Variants in MEI1 observed in about 807,000 individuals in gnomAD.
MEI1 encodes meiosis inhibitor protein 1.
A neutral mutation model predicts 146.2 loss-of-function variants in MEI1; 103 were observed. The ratio of observed to expected loss-of-function variants is 0.70; its 90% confidence interval spans 0.60 to 0.83. The LOEUF is 0.83. MEI1 is among the 40% of genes least tolerant of loss of function. The probability of loss-of-function intolerance (pLI) is 0.00; values close to 1 mark genes in which losing one functional copy is unlikely to be tolerated. For missense variants in MEI1, 1,529 were observed against 1,533.0 expected (o/e 1.00, Z 0.04); for synonymous variants, 652 against 628.2 (o/e 1.04, Z -0.57).
In MEI1 at chr22:41,729,777, C is replaced by CA. The variant is rs752778880; in HGVS notation, c.978dup (p.Glu327ArgfsTer5). 5 of 1,598,626 alleles carry CA rather than the reference C, an allele frequency of 3.1e-6. No homozygotes were observed. The South Asian group carries it at 5.7e-5, about 18-fold the overall frequency. ...TCAGCCTTCATCCACGCTGACATCC[C>CA]AGGTAGGGGAACACTTCTAACCTTC... On this transcript the variant is annotated frameshift_variant and splice_region_variant, in exon 8 of 31. Coordinates refer to ENST00000401548, the MANE Select transcript of MEI1 (RefSeq NM_152513.4). LOFTEE classifies it high-confidence loss of function.
At chr22:41,736,191 ATG>A (rs1009761908) in intron 11 of MEI1, among the ~76,000 whole-genome samples, 10 of 150,334 alleles carry the variant, frequency 6.7e-5, no homozygotes, top group African/African-American at 2.4e-4. Flanking sequence ...TCTCTTCTCT[ATG>A]TGTATAATCT....
chr22:41,739,049 C>T (rs1426866916), intron 11 of MEI1, among the ~76,000 whole-genome samples: 1 of 151,308 alleles, frequency 6.6e-6, no homozygotes, highest in Admixed American at 6.6e-5. Context: ...AATTCCAGCA[C>T]TTTGGGAGGC....
At position 41,745,878 on chromosome 22, in the gene MEI1, T is replaced by C; in HGVS notation, c.1539-7T>C. Reference sequence around the variant, plus strand: ...GTAGTGGATATACTCACACATTGATTTCTTAGGTTGGCTATAGAATTCCAG... The same window carrying C: ...GTAGTGGATATACTCACACATTGATCTCTTAGGTTGGCTATAGAATTCCAG... On this transcript the variant is annotated splice_region_variant and splice_polypyrimidine_tract_variant and intron_variant, in intron 13 of 30. Transcript: ENST00000401548. 6.2e-7 allele frequency: 1 copy of C among 1,604,106 alleles called. No individual in the cohort carries two copies. Among genetic ancestry groups the C allele is most frequent in the Non-Finnish European group, 8.5e-7 (1 of 1,172,786 alleles).
Position 41,729,667 on chromosome 22 carries a change from T to G in MEI1, c.867T>G (p.Leu289=), listed in dbSNP as rs1569196396. Reference sequence around the variant, plus strand: ...CTTTTTGCTGCCTGTTTCTCCAGCTTCTCCTCTCTAGAGATGAAACCCTGC... The same window carrying G: ...CTTTTTGCTGCCTGTTTCTCCAGCTGCTCCTCTCTAGAGATGAAACCCTGC... ...NTSLPLVLKK[L]LLSRDETLQV... Residue 289 remains leucine (L), a splice_region_variant and synonymous_variant, in exon 8 of 31, where the codon CTT becomes CTG. Transcript: ENST00000401548. The G allele has an allele frequency of 6.2e-7, 1 of 1,606,454 alleles. No individual in the cohort carries two copies. Among genetic ancestry groups the G allele is most frequent in the Non-Finnish European group, 8.5e-7 (1 of 1,175,684 alleles).
Position 41,730,527 on chromosome 22 carries a change from T to C in MEI1, c.986T>C (p.Leu329Pro), listed in dbSNP as rs780272809. 2.0e-5 allele frequency: 33 copies of C among 1,611,510 alleles called. No individual in the cohort carries two copies. Among genetic ancestry groups the C allele is most frequent in the Non-Finnish European group, 2.8e-5 (33 of 1,177,752 alleles). Residue 329 changes from leucine to proline, a missense_variant, in exon 9 of 31, where the codon CTC becomes CCC. Physicochemically the swap from Leu to Pro is moderately conservative, Grantham distance 98 (BLOSUM62 -3). Around this residue, in one of 3 missense-constraint regions of MEI1, gnomAD observed 1,212 missense variants for 1,178.9 expected, o/e 1.03. Coordinates refer to ENST00000401548, the MANE Select transcript of MEI1 (RefSeq NM_152513.4). ...TCATCCTCTCCCTTGTTAGAGTTCC[T>C]CTTTGAGCATCTTTCTTCTTCCAGT... is the stretch of plus-strand genomic sequence containing the variant. ...AFIHADIPEF[L>P]FEHLSSSSEV...
At chr22:41,753,098 A>G (rs1385763188) in intron 16 of MEI1, among the ~76,000 whole-genome samples, 3 of 151,472 alleles carry the variant, frequency 2.0e-5, no homozygotes, top group South Asian at 2.1e-4. Flanking sequence ...GGCTCACTGC[A>G]ACAACCGCCT....
At position 41,745,876 on chromosome 22, in the gene MEI1, A is replaced by G; in HGVS notation, c.1539-9A>G. The G allele has an allele frequency of 6.2e-7, 1 of 1,603,252 alleles. No homozygotes were observed. The highest frequency in any genetic ancestry group is 8.5e-7 in the Non-Finnish European group (1 of 1,172,272). On this transcript the variant is annotated splice_polypyrimidine_tract_variant and intron_variant, in intron 13 of 30. Transcript: ENST00000401548. ...TGGTAGTGGATATACTCACACATTG[A>G]TTTCTTAGGTTGGCTATAGAATTCC... is the stretch of plus-strand genomic sequence containing the variant.
intron 3 of MEI1, among the ~76,000 whole-genome samples, chr22:41,711,489 C>T (rs770530932): frequency 2.0e-5 from 3 of 152,214 alleles, no homozygotes. Flanking sequence ...AATCCTGCAG[C>T]CATCCACTTC....
chr22:41,718,323 T>A (rs758340920), intron 6 of MEI1, 49 bp downstream of exon 6: 1 of 1,571,076 alleles, frequency 6.4e-7, no homozygotes. Flanking sequence ...TTTGACATTT[T>A]GCTAGAAGAC....
chr22:41,700,014 C>T (rs990781696), intron 1 of MEI1, among the ~76,000 whole-genome samples: 1 of 152,254 alleles, frequency 6.6e-6, no homozygotes, highest in Non-Finnish European at 1.5e-5. Flanking sequence ...TCCCGCCTTC[C>T]GCCTTCTGGC....
chr22:41,749,569 C>G (rs904104392), intron 15 of MEI1, among the ~76,000 whole-genome samples: 1 of 152,214 alleles, frequency 6.6e-6, no homozygotes, highest in African/African-American at 2.4e-5. Flanking sequence ...GCCACCACGC[C>G]TGGCCTGGAA....
intron 1 of MEI1, among the ~76,000 whole-genome samples, chr22:41,700,491 C>T (rs774010617): frequency 5.5e-4 from 83 of 152,170 alleles, no homozygotes; most frequent in African/African-American, 1.9e-3. Context: ...CCACCACGCT[C>T]GGCTAATTTC....
At chr22:41,747,010 G>T (rs1305305563) in intron 14 of MEI1, among the ~76,000 whole-genome samples, 2 of 151,582 alleles carry the variant, frequency 1.3e-5, no homozygotes, top group Non-Finnish European at 1.5e-5. Context: ...CTACTTTTCT[G>T]TATTTTACAC....
rs1442393895 is a variant in MEI1, at chr22:41,770,916, G to A, written c.2499G>A (p.Leu833=). ...QPALPASLVV[L]FQLLRSIPSI... ...CCCTTCCTGCCAGCTTAGTAGTCCT[G>A]TTCCAGTTGCTCAGAAGCATCCCCA... The change falls in exon 20 of 31, where the codon CTG becomes CTA. Residue 833 remains leucine (L), a synonymous_variant. Transcript: ENST00000401548. 3 of 1,613,886 alleles carry A rather than the reference G, an allele frequency of 1.9e-6. No individual in the cohort carries two copies. Among genetic ancestry groups the A allele is most frequent in the African/African-American group, 2.7e-5 (2 of 74,910 alleles).
intron 11 of MEI1, among the ~76,000 whole-genome samples, chr22:41,733,689 T>C (rs978428079): frequency 2.0e-5 from 3 of 151,636 alleles, no homozygotes; most frequent in Non-Finnish European, 2.9e-5. Flanking sequence ...TAAGCCAAGA[T>C]TGCGCCACTG....
chr22:41,776,579 G>GAA (rs1167923611), intron 21 of MEI1, among the ~76,000 whole-genome samples: 5 of 152,156 alleles, frequency 3.3e-5, no homozygotes, highest in African/African-American at 1.2e-4. Flanking sequence ...GTGGGAAGAA[G>GAA]AAAGTGAGAA....
At chr22:41,776,770 G>C (rs2075457760) in intron 21 of MEI1, among the ~76,000 whole-genome samples, 1 of 141,350 alleles carries the variant, frequency 7.1e-6, no homozygotes, top group African/African-American at 3.2e-5. Flanking sequence ...ATTTGGATTG[G>C]TTTATTTTAT....
chr22:41,784,461 C>T (rs966219560), intron 25 of MEI1, 41 bp downstream of exon 25: 3 of 1,608,568 alleles, frequency 1.9e-6, no homozygotes, highest in Non-Finnish European at 1.7e-6. Flanking sequence ...AAGCTTTTTC[C>T]CTAGGTTTTC....
chr22:41,709,560 C>A, intron 3 of MEI1: 1 of 516,950 alleles, frequency 1.9e-6, no homozygotes, highest in South Asian at 1.6e-5. Flanking sequence ...TTTGGTCGGT[C>A]CAGGGGTTGT....
Sources: allele counts gnomAD v4.1 joint callset (sites outside exome capture counted in the v4.1 genomes callset), GRCh38; gene constraint gnomAD v4.1.1; regional missense constraint gnomAD v4.1.1; transcripts MANE v1.5; gene names NCBI Gene and HGNC (gene_info 2026-07-23, HGNC 2026-07-21).